Variants in MFHAS1 observed in about 807,000 individuals in gnomAD.
The protein encoded by MFHAS1 is multifunctional ROCO family signaling regulator 1, also known as malignant fibrous histiocytoma-amplified sequence 1.
MFHAS1 carries 50 observed loss-of-function variants against 70.4 expected under a neutral mutation model. The ratio of observed to expected loss-of-function variants is 0.71; its 90% CI spans 0.57 to 0.90. The LOEUF is 0.90. Ranked by LOEUF, MFHAS1 falls within the 40% of genes least tolerant of loss-of-function variation. The pLI is 0.00. For synonymous variants in MFHAS1, 952 were observed against 620.0 expected, an observed-to-expected ratio of 1.54 and a Z score of -7.96; for missense variants, 1,795 against 1,347.6, an observed-to-expected ratio of 1.33 and a Z score of -5.20.
At chr8:8,819,962 T>C (rs1806893592) in intron 1 of MFHAS1, among the ~76,000 whole-genome samples, 2 of 152,168 alleles carry the variant, frequency 1.3e-5, no homozygotes, top group African/African-American at 4.8e-5. Context: ...CCTCCCAAAG[T>C]GTTGGGACTG....
At chr8:8,801,599 T>A (rs1037772312) in intron 1 of MFHAS1, among the ~76,000 whole-genome samples, 1 of 152,250 alleles carries the variant, frequency 6.6e-6, no homozygotes, top group African/African-American at 2.4e-5. Flanking sequence ...AACTCACATA[T>A]GAAGAATGGT....
intron 1 of MFHAS1, among the ~76,000 whole-genome samples, chr8:8,812,341 GTTAC>G (rs2117285491): frequency 6.6e-6 from 1 of 152,244 alleles, no homozygotes; most frequent in East Asian, 1.9e-4. Flanking sequence ...TCCAGTCTTG[GTTAC>G]TTACACGGGC....
At chr8:8,869,437 T>G (rs543943393) in intron 1 of MFHAS1, among the ~76,000 whole-genome samples, 1 of 152,296 alleles carries the variant, frequency 6.6e-6, no homozygotes, top group South Asian at 2.1e-4. Flanking sequence ...TTTGCGGTAT[T>G]TTAAAGCGGT....
intron 1 of MFHAS1, among the ~76,000 whole-genome samples, chr8:8,889,791 A>G (rs938415469): frequency 3.3e-5 from 5 of 152,216 alleles, no homozygotes; most frequent in Non-Finnish European, 7.3e-5. Context: ...CTACATCGAC[A>G]AGAGGGGAAA....
chr8:8,869,075 G>A (rs1808970793), intron 1 of MFHAS1, among the ~76,000 whole-genome samples: 1 of 152,082 alleles, frequency 6.6e-6, no homozygotes, highest in Non-Finnish European at 1.5e-5. Context: ...GAGGAGGAAG[G>A]CAAAAAGAGG....
At chr8:8,848,124 G>A (rs554266140) in intron 1 of MFHAS1, among the ~76,000 whole-genome samples, 1 of 152,202 alleles carries the variant, frequency 6.6e-6, no homozygotes. Flanking sequence ...AGCCCGCCCA[G>A]GGCTGCACTG....
intron 1 of MFHAS1, among the ~76,000 whole-genome samples, chr8:8,813,013 C>G (rs943425279): frequency 1.3e-5 from 2 of 152,110 alleles, no homozygotes; most frequent in African/African-American, 4.8e-5. Flanking sequence ...GTGATCTGTC[C>G]ACTTCAGCCT....
At chr8:8,838,137 C>T (rs749527429) in intron 1 of MFHAS1, among the ~76,000 whole-genome samples, 2 of 152,178 alleles carry the variant, frequency 1.3e-5, no homozygotes, top group Non-Finnish European at 2.9e-5. Context: ...AAATACATTA[C>T]ACTGAGTGAA....
chr8:8,862,896 C>G (rs188091117), intron 1 of MFHAS1, among the ~76,000 whole-genome samples: 47 of 152,306 alleles, frequency 3.1e-4, no homozygotes, highest in African/African-American at 1.1e-3. Flanking sequence ...AAAACATAGT[C>G]TATTTAACAG....
At chr8:8,869,749 T>C (rs1168897435) in intron 1 of MFHAS1, among the ~76,000 whole-genome samples, 1 of 152,180 alleles carries the variant, frequency 6.6e-6, no homozygotes, top group Non-Finnish European at 1.5e-5. Flanking sequence ...TCTTGAAACA[T>C]ACACTTAAAT....
chr8:8,830,276 G>C (rs1216109021), intron 1 of MFHAS1, among the ~76,000 whole-genome samples: 1 of 152,172 alleles, frequency 6.6e-6, no homozygotes, highest in Non-Finnish European at 1.5e-5. Context: ...AAATAAACTA[G>C]AGTCTGGTTC....
chr8:8,818,081 C>T (rs186996953), intron 1 of MFHAS1, among the ~76,000 whole-genome samples: 24 of 152,288 alleles, frequency 1.6e-4, no homozygotes, highest in East Asian at 3.9e-4. Flanking sequence ...GCCACCCATA[C>T]GTCATACTCT....
At chr8:8,833,786 T>C (rs1295435926) in intron 1 of MFHAS1, among the ~76,000 whole-genome samples, 3 of 152,016 alleles carry the variant, frequency 2.0e-5, no homozygotes, top group Non-Finnish European at 2.9e-5. Context: ...GCCAAAAAAA[T>C]GAGAAGAACC....
chr8:8,786,360 A>T (rs1011976175), intron 2 of MFHAS1, among the ~76,000 whole-genome samples: 5 of 152,170 alleles, frequency 3.3e-5, no homozygotes, highest in Admixed American at 2.6e-4. Context: ...GCTTAACTAG[A>T]CCTCTAACTA....
chr8:8,881,955 G>T (rs1476419115), intron 1 of MFHAS1, among the ~76,000 whole-genome samples: 1 of 152,142 alleles, frequency 6.6e-6, no homozygotes, highest in Non-Finnish European at 1.5e-5. Flanking sequence ...GCATCCTGCT[G>T]CTAAGTGCCC....
chr8:8,893,563 TCC>T lies in MFHAS1; in HGVS notation c.-507_-506del, dbSNP rs1810189526. 1.4e-5 allele frequency: 2 copies of T among 145,890 alleles called. No individual in the cohort carries two copies. The highest frequency in any genetic ancestry group is 4.2e-4 in the South Asian group (2 of 4,808). The allele number at this position is 145,890 out of a possible 1,614,324, so 9.0% of individuals were successfully genotyped here. On this transcript the variant is annotated 5_prime_UTR_variant, in exon 1 of 3. Transcript: ENST00000276282. ...GCGGCGGCGCCTCCTTGTCTCCGTTTCCCCGGGCTCGGGCGGGAGCGCGGGCG... is the reference window on the plus strand; with the variant it reads ...GCGGCGGCGCCTCCTTGTCTCCGTTTCCGGGCTCGGGCGGGAGCGCGGGCG...
intron 1 of MFHAS1, among the ~76,000 whole-genome samples, chr8:8,840,592 C>T (rs1807783650): frequency 6.6e-6 from 1 of 152,044 alleles, no homozygotes; most frequent in African/African-American, 2.4e-5. Flanking sequence ...CCATCAAACT[C>T]GGCACACTGT....
At chr8:8,800,171 C>T (rs17630714) in intron 1 of MFHAS1, among the ~76,000 whole-genome samples, 21,202 of 152,166 alleles carry the variant, frequency 0.14, 1,887 homozygotes, top group Non-Finnish European at 0.2. Flanking sequence ...AATTTCCTGA[C>T]GTGTACATTT....
At position 8,797,479 on chromosome 8, in the gene MFHAS1, C is replaced by T. The variant is rs1805947364; in HGVS notation, c.3011G>A (p.Ser1004Asn). 1.9e-6 allele frequency: 3 copies of T among 1,613,850 alleles called. No homozygotes were observed. The East Asian group carries it at 6.7e-5, about 36-fold the overall frequency. The change falls in exon 2 of 3, where the codon AGT (serine) becomes AAT (asparagine). Residue 1004 changes from serine (S) to asparagine (N), a missense_variant. Coordinates refer to ENST00000276282, the MANE Select transcript of MFHAS1 (RefSeq NM_004225.3). Reference protein sequence around the residue: ...NPHAFPGELLSQPRPEGVAEI... With the variant: ...NPHAFPGELLNQPRPEGVAEI... ...TGCCACTCCTTCCGGTCTGGGCTGA[C>T]TCAGCAACTCCCCTGTAGGAGGAGA...
Sources: gnomAD v4.1 joint callset for allele counts (sites outside exome capture counted in the v4.1 genomes callset) on GRCh38, gnomAD v4.1.1 for gene constraint, MANE v1.5 for transcripts, NCBI Gene and HGNC (gene_info 2026-07-23, HGNC 2026-07-21) for gene names.